The following FRMD6 variants were observed in gnomAD, a reference collection of about 807,000 sequenced individuals.
FRMD6 encodes FERM domain-containing protein 6.
Under a neutral mutation model 73.2 loss-of-function variants are expected in FRMD6, and 37 were observed. That is an observed-to-expected ratio of 0.51 (90% CI 0.39 to 0.66). FRMD6 has a LOEUF of 0.66. Among genes scored for constraint, FRMD6 ranks in the 30% least tolerant of loss-of-function variants. FRMD6 has a pLI of 0.00. For missense variants in FRMD6, 714 were observed against 780.5 expected (o/e 0.91, Z 1.02); for synonymous variants, 273 against 282.2 (o/e 0.97, Z 0.33).
chr14:51,676,034 A>G (rs1894365746), intron 1 of FRMD6, among the ~76,000 whole-genome samples: 1 of 152,048 alleles, frequency 6.6e-6, no homozygotes, highest in Non-Finnish European at 1.5e-5. Flanking sequence ...TTTCCGTTTA[A>G]AAATATAAAA....
chr14:51,569,236 C>T (rs1055363525), intron 1 of FRMD6, among the ~76,000 whole-genome samples: 1 of 152,148 alleles, frequency 6.6e-6, no homozygotes, highest in African/African-American at 2.4e-5. Context: ...GTATGGTTCT[C>T]AGAGTTTCCC....
chr14:51,433,077 C>T, the FRMD6 span, among the ~76,000 whole-genome samples: 1 of 152,226 alleles, frequency 6.6e-6, no homozygotes, highest in Non-Finnish European at 1.5e-5. Flanking sequence ...CATTCTGTTA[C>T]ATGCATTTCT....
rs543990038 is a variant in FRMD6, at chr14:51,646,663, T to G, written c.-146-43028T>G. 1.5e-4 allele frequency among the ~76,000 whole-genome samples: 23 copies of G among 151,268 alleles called. 1 individual carries two copies. The highest frequency in any genetic ancestry group is 5.6e-4 in the African/African-American group (23 of 41,144). Reference sequence around the variant, plus strand: ...TATCACACAAACAGAATACATGAGTTAAGTTTCATACTGTAGGGAATCCAC... The same window carrying G: ...TATCACACAAACAGAATACATGAGTGAAGTTTCATACTGTAGGGAATCCAC... On this transcript the variant is annotated intron_variant, in intron 2 of 14. Transcript: ENST00000356218.
At chr14:51,467,134 C>T in the FRMD6 span, among the ~76,000 whole-genome samples, 1 of 152,244 alleles carries the variant, frequency 6.6e-6, no homozygotes, top group African/African-American at 2.4e-5. Context: ...GTGTTTGTGT[C>T]CCTGGGTACT....
chr14:51,407,414 G>A, the FRMD6 span, among the ~76,000 whole-genome samples: 7 of 150,894 alleles, frequency 4.6e-5, no homozygotes, highest in African/African-American at 1.7e-4. Context: ...TGAATGTTTG[G>A]TAATTTTTGT....
the FRMD6 span, among the ~76,000 whole-genome samples, chr14:51,428,975 AC>A: frequency 7.8e-6 from 1 of 128,482 alleles, no homozygotes; most frequent in African/African-American, 3.0e-5. Flanking sequence ...AGGGTGAGAG[AC>A]AGAGGGGAGA....
intron 2 of FRMD6, among the ~76,000 whole-genome samples, chr14:51,585,696 C>T (rs1166021075): frequency 6.6e-6 from 1 of 151,426 alleles, no homozygotes; most frequent in East Asian, 1.9e-4. Flanking sequence ...TTTTTAACCC[C>T]TTGCCCGATT....
At chr14:51,580,494 C>A (rs1888660297) in intron 2 of FRMD6, among the ~76,000 whole-genome samples, 1 of 152,066 alleles carries the variant, frequency 6.6e-6, no homozygotes. Flanking sequence ...AAATGAGGCA[C>A]AGAGAAGTTA....
chr14:51,450,050 A>G, the FRMD6 span, among the ~76,000 whole-genome samples: 2 of 152,228 alleles, frequency 1.3e-5, no homozygotes, highest in Non-Finnish European at 2.9e-5. Flanking sequence ...GTCTCTGTGC[A>G]TGTGATTGTT....
chr14:51,601,244 G>A (rs1216661331), intron 2 of FRMD6, among the ~76,000 whole-genome samples: 1 of 152,186 alleles, frequency 6.6e-6, no homozygotes, highest in African/African-American at 2.4e-5. Context: ...AAACCTGCTG[G>A]CTGGCAGCCC....
chr14:51,730,703 A>G lies in FRMD6; in HGVS notation c.*2674A>G, dbSNP rs1162952056. On this transcript the variant is annotated 3_prime_UTR_variant, in exon 14 of 14. Coordinates refer to ENST00000344768, the MANE Select transcript of FRMD6 (RefSeq NM_001267046.2). Reference sequence around the variant, plus strand: ...TATTTCATGGTAAGATTAGCAGTCAATAAAGTTACTTTTTTGCCTTTAAAT... The same window carrying G: ...TATTTCATGGTAAGATTAGCAGTCAGTAAAGTTACTTTTTTGCCTTTAAAT... The G allele has an allele frequency of 3.9e-5, 6 of 152,248 alleles. No homozygotes were observed. The highest frequency in any genetic ancestry group is 3.9e-4 in the Admixed American group (6 of 15,286). The allele number at this position is 152,248 out of a possible 1,614,324, so 9.4% of individuals were successfully genotyped here. A position where few individuals can be genotyped will look rare whatever the true frequency, so the allele number is the denominator to read the frequency against.
At chr14:51,701,405 A>G (rs142807592) in intron 4 of FRMD6, among the ~76,000 whole-genome samples, 44 of 146,528 alleles carry the variant, frequency 3.0e-4, no homozygotes, top group Admixed American at 2.7e-3. Context: ...TACTTAGTAT[A>G]TATATATAGT....
At position 51,720,218 on chromosome 14, in the gene FRMD6, C is replaced by T. The variant is rs1897467666; in HGVS notation, c.1188C>T (p.Gly396=). ...GCCACAGCAGTTCCCACACCTCGGG[C>T]ATTGAGGCAGACACCAAGCCCCGGG... ...TASHSSSHTS[G]IEADTKPRDT... The change falls in exon 11 of 14, where the codon GGC becomes GGT. Residue 396 remains glycine, a synonymous_variant. Transcript: ENST00000344768. 1 of 1,613,856 alleles carries T rather than the reference C, an allele frequency of 6.2e-7. No individual in the cohort carries two copies. Among genetic ancestry groups the T allele is most frequent in the African/African-American group, 1.3e-5 (1 of 74,882 alleles).
the FRMD6 span, among the ~76,000 whole-genome samples, chr14:51,418,723 G>C: frequency 6.6e-6 from 1 of 152,214 alleles, no homozygotes; most frequent in Non-Finnish European, 1.5e-5. Context: ...TGTCAGACAG[G>C]GACGTTTAAG....
chr14:51,571,341 G>A (rs1203498899), intron 2 of FRMD6, among the ~76,000 whole-genome samples: 6 of 152,146 alleles, frequency 3.9e-5, no homozygotes, highest in African/African-American at 1.2e-4. Context: ...GAAGCCATTG[G>A]CAAAGGATTG....
At chr14:51,521,670 T>A (rs1315211917) in intron 1 of FRMD6, among the ~76,000 whole-genome samples, 1 of 150,132 alleles carries the variant, frequency 6.7e-6, no homozygotes, top group Non-Finnish European at 1.5e-5. Flanking sequence ...GCAAAAACCC[T>A]ATGCAAGAAG....
chr14:51,558,784 G>A (rs532146428), intron 1 of FRMD6, among the ~76,000 whole-genome samples: 1 of 152,104 alleles, frequency 6.6e-6, no homozygotes, highest in South Asian at 2.1e-4. Flanking sequence ...CTCTAAAGGA[G>A]TTTTTTTGTC....
At chr14:51,408,608 C>T in the FRMD6 span, among the ~76,000 whole-genome samples, 2 of 152,140 alleles carry the variant, frequency 1.3e-5, no homozygotes, top group African/African-American at 4.8e-5. Context: ...ACTCATATTA[C>T]AATCCCTTTA....
At chr14:51,619,092 C>G (rs1406820374) in intron 2 of FRMD6, among the ~76,000 whole-genome samples, 1 of 151,928 alleles carries the variant, frequency 6.6e-6, no homozygotes, top group Non-Finnish European at 1.5e-5. Context: ...TTGCTTTGCA[C>G]ATAACAGAAG....
Sources: gnomAD v4.1 joint callset for allele counts (sites outside exome capture counted in the v4.1 genomes callset) on GRCh38, gnomAD v4.1.1 for gene constraint, MANE v1.5 for transcripts, NCBI Gene and HGNC (gene_info 2026-07-23, HGNC 2026-07-21) for gene names.